Variants in MPHOSPH9 observed in about 807,000 individuals in gnomAD.
MPHOSPH9 encodes the protein M-phase phosphoprotein 9.
A neutral mutation model predicts 145.5 loss-of-function variants in MPHOSPH9; 88 were observed. The observed-to-expected ratio is 0.60, with a 90% CI of 0.51 to 0.72. The LOEUF (loss-of-function observed/expected upper bound fraction) is 0.72, where lower values mean the gene tolerates loss of function less well. MPHOSPH9 is among the 30% of genes least tolerant of loss of function. The pLI is 0.00. For synonymous variants in MPHOSPH9, 435 were observed against 486.2 expected (o/e 0.89, Z 1.39); for missense variants, 1,238 against 1,386.6 (o/e 0.89, Z 1.70).
chr12:123,161,994 C>T (rs1486642482), intron 21 of MPHOSPH9, 121 bp downstream of exon 21: 14 of 528,786 alleles, frequency 2.6e-5, no homozygotes, highest in South Asian at 8.8e-5. Context: ...TAGTTTCAGA[C>T]GCCCTTGAGT....
chr12:123,177,160 C>A (rs1468661732), intron 15 of MPHOSPH9, among the ~76,000 whole-genome samples: 4 of 151,570 alleles, frequency 2.6e-5, no homozygotes, highest in Non-Finnish European at 4.4e-5. Context: ...AGCCTGGCGA[C>A]AGAGTGAGAC....
intron 23 of MPHOSPH9, 23 bp downstream of exon 23, chr12:123,160,758 A>G (rs757488481): frequency 1.2e-6 from 2 of 1,609,372 alleles, no homozygotes; most frequent in Non-Finnish European, 1.7e-6. Flanking sequence ...CCTCTAAAGC[A>G]GATTCAAGCT....
chr12:123,216,992 AAAATAAATAAATAAAT>A (rs147074304), intron 6 of MPHOSPH9, among the ~76,000 whole-genome samples: 9 of 149,070 alleles, frequency 6.0e-5, no homozygotes, highest in Admixed American at 2.0e-4. Context: ...CCATGTCAAA[AAAATAAATAAATAAAT>A]AAATAAATAA....
intron 8 of MPHOSPH9, among the ~76,000 whole-genome samples, chr12:123,204,497 T>C (rs1270572718): frequency 2.0e-5 from 3 of 151,930 alleles, no homozygotes; most frequent in Non-Finnish European, 4.4e-5. Context: ...CCAATGAAAA[T>C]AAGTCCCCCC....
intron 8 of MPHOSPH9, among the ~76,000 whole-genome samples, chr12:123,209,200 T>C (rs1425958185): frequency 3.9e-5 from 6 of 151,920 alleles, no homozygotes. Context: ...ACCAAAGTGC[T>C]GGGATTACAG....
intron 16 of MPHOSPH9, among the ~76,000 whole-genome samples, chr12:123,175,347 G>T (rs532440083): frequency 1.3e-5 from 2 of 152,104 alleles, no homozygotes; most frequent in East Asian, 3.9e-4. Flanking sequence ...TAGAGACAGG[G>T]TTTCATCGTG....
intron 14 of MPHOSPH9, among the ~76,000 whole-genome samples, chr12:123,180,741 C>T (rs773422925): frequency 3.3e-5 from 5 of 152,142 alleles, no homozygotes; most frequent in South Asian, 2.1e-4. Flanking sequence ...GGCATGGTGG[C>T]GCACACCTGT....
At chr12:123,184,932 T>C (rs2045370564) in intron 13 of MPHOSPH9, among the ~76,000 whole-genome samples, 1 of 152,124 alleles carries the variant, frequency 6.6e-6, no homozygotes, top group African/African-American at 2.4e-5. Context: ...GCCTCCCGAG[T>C]AGCTGGGATT....
chr12:123,214,878 G>A (rs1168237927), intron 6 of MPHOSPH9, 44 bp from the exon 7 acceptor site: 1 of 1,468,878 alleles, frequency 6.8e-7, no homozygotes, highest in Non-Finnish European at 9.5e-7. Context: ...AAGTCATTAG[G>A]CACAATCTGC....
chr12:123,204,294 C>T (rs1175767601), intron 8 of MPHOSPH9, among the ~76,000 whole-genome samples: 1 of 118,454 alleles, frequency 8.4e-6, no homozygotes, highest in Admixed American at 9.7e-5. Flanking sequence ...AAGAGCGAAA[C>T]TCCGTCTCAA....
intron 1 of MPHOSPH9, among the ~76,000 whole-genome samples, chr12:123,232,383 ATTTT>A (rs1593261078): frequency 4.0e-5 from 6 of 151,408 alleles, no homozygotes; most frequent in Admixed American, 4.0e-4. Context: ...GCAAAAAAAA[ATTTT>A]TTTAACTTGA....
At position 123,165,302 on chromosome 12, in the gene MPHOSPH9, T is replaced by G. The variant is rs2044270099; in HGVS notation, c.2767A>C (p.Ile923Leu). The change falls in exon 18 of 24, where the codon ATA (isoleucine) becomes CTA (leucine). Residue 923 changes from isoleucine to leucine, a missense_variant and splice_region_variant. Around this residue, in one of 3 missense-constraint regions of MPHOSPH9, gnomAD observed 393 missense variants for 462.5 expected, o/e 0.85. Transcript: ENST00000606320. ...CTATCTCAAACAAGGAAATACTCAC[T>G]ATTTGAGGTGTCCTCTTTCTCTGTC... ...TQTEKEDTSN[I>L]NPRQTETSVN... 2 of 1,611,902 alleles carry G rather than the reference T, an allele frequency of 1.2e-6. No individual in the cohort carries two copies. Among genetic ancestry groups the G allele is most frequent in the Non-Finnish European group, 1.7e-6 (2 of 1,178,612 alleles).
At position 123,230,234 on chromosome 12, in the gene MPHOSPH9, T is replaced by C. The variant is rs2047589000; in HGVS notation, c.104+27A>G. ...TGCAAATAAGGTTATTCTGATTTGG[T>C]ACATTTTTTTTAAATCCCATTCTTA... On this transcript the variant is annotated intron_variant, in intron 2 of 23. Transcript: ENST00000606320. The C allele has an allele frequency of 4.1e-6, 5 of 1,222,476 alleles. No individual in the cohort carries two copies. In the South Asian group the frequency reaches 6.7e-5, roughly 16 times the overall value. 75.7% of individuals were successfully genotyped at this position (1,222,476 alleles called of 1,614,324 possible). A position where few individuals can be genotyped will look rare whatever the true frequency, so the allele number is the denominator to read the frequency against.
At chr12:123,206,658 A>C (rs1360895240) in intron 8 of MPHOSPH9, among the ~76,000 whole-genome samples, 1 of 152,072 alleles carries the variant, frequency 6.6e-6, no homozygotes, top group African/African-American at 2.4e-5. Context: ...TCACACCTGT[A>C]ATCCCAGCAC....
At chr12:123,209,443 G>A (rs907046384) in intron 8 of MPHOSPH9, among the ~76,000 whole-genome samples, 18 of 151,574 alleles carry the variant, frequency 1.2e-4, no homozygotes, top group Admixed American at 9.2e-4. Flanking sequence ...TTGCACTCTC[G>A]TTGCCCAAGC....
chr12:123,189,779 C>G (rs936598430), intron 13 of MPHOSPH9, among the ~76,000 whole-genome samples: 1 of 151,170 alleles, frequency 6.6e-6, no homozygotes. Flanking sequence ...CTAAAAATAC[C>G]AAAAAAATCA....
At chr12:123,180,012 T>C in intron 14 of MPHOSPH9, 22 bp from the exon 15 acceptor site, 1 of 1,255,476 alleles carries the variant, frequency 8.0e-7, no homozygotes. Flanking sequence ...AAGGAGAAAT[T>C]CAGATAACTG....
intron 13 of MPHOSPH9, among the ~76,000 whole-genome samples, chr12:123,181,549 C>T (rs1400140811): frequency 1.3e-5 from 2 of 148,588 alleles, no homozygotes; most frequent in Non-Finnish European, 3.0e-5. Context: ...TCTTCAAAAA[C>T]AAAAACAAAA....
chr12:123,173,999 T>C (rs187342368), intron 16 of MPHOSPH9, among the ~76,000 whole-genome samples: 138 of 152,238 alleles, frequency 9.1e-4, no homozygotes, highest in African/African-American at 3.2e-3. Context: ...CCTCAGCTTA[T>C]GGGATCTGAC....
Sources: allele counts gnomAD v4.1 joint callset (sites outside exome capture counted in the v4.1 genomes callset), GRCh38; gene constraint gnomAD v4.1.1; regional missense constraint gnomAD v4.1.1; transcripts MANE v1.5; gene names NCBI Gene and HGNC (gene_info 2026-07-23, HGNC 2026-07-21).